Variants in MAST1 observed in about 807,000 individuals in gnomAD.
The protein encoded by MAST1 is microtubule-associated serine/threonine-protein kinase 1.
A neutral mutation model predicts 124.6 loss-of-function variants in MAST1; 40 were observed. The observed-to-expected ratio is 0.32, with a 90% confidence interval of 0.25 to 0.42. The LOEUF (loss-of-function observed/expected upper bound fraction) is 0.42. Among genes scored for constraint, MAST1 ranks in the 10% least tolerant of loss-of-function variants. The pLI, the probability that MAST1 is intolerant of heterozygous loss-of-function variation, is 1.00. For missense variants in MAST1, 1,558 were observed against 2,181.9 expected, an observed-to-expected ratio of 0.71 and a Z score of 5.70; for synonymous variants, 938 against 939.4, an observed-to-expected ratio of 1.00 and a Z score of 0.03.
chr19:12,851,868 C>T, intron 7 of MAST1, 66 bp from the exon 8 acceptor site: 4 of 1,235,348 alleles, frequency 3.2e-6, no homozygotes, highest in Non-Finnish European at 4.6e-6. Context: ...CTCTGAGGGG[C>T]TGAGAGAGGG....
At position 12,874,441 on chromosome 19, in the gene MAST1, G is replaced by T. The variant is rs1970286898; in HGVS notation, c.4284G>T (p.Glu1428Asp). 1 of 1,597,310 alleles carries T rather than the reference G, an allele frequency of 6.3e-7. No homozygotes were observed. The highest frequency in any genetic ancestry group is 8.5e-7 in the Non-Finnish European group (1 of 1,178,512). The change falls in exon 26 of 26, where the codon GAG becomes GAT. Residue 1428 changes from glutamate (E) to aspartate (D), a missense_variant. By Grantham distance (45) the Glu-to-Asp change is conservative. Coordinates refer to ENST00000251472, the MANE Select transcript of MAST1 (RefSeq NM_014975.3). The surrounding 1 kb of genome is among the most constrained non-coding windows in gnomAD (Gnocchi z 6.6). ...CAGGCCGGCGCAGCAGCTCTGGCGA[G>T]GCGGGCACACCCCTGGTACCCATTG... ...HETGRRSSSG[E>D]AGTPLVPIVV...
chr19:12,866,610 A>C lies in MAST1; in HGVS notation c.2030-43A>C. ...GCTCCTGTGGGGATGTGATATGAGG[A>C]GGAACCCCGTACCCTCAGTCACAGC... is the stretch of plus-strand genomic sequence containing the variant. On this transcript the variant is annotated intron_variant, in intron 17 of 25. Coordinates refer to ENST00000251472, the MANE Select transcript of MAST1 (RefSeq NM_014975.3). This position sits in a 1 kb window ranked among gnomAD's most constrained non-coding sequence, Gnocchi z 5.2. The C allele has an allele frequency of 7.4e-7, 1 of 1,345,722 alleles. No homozygotes were observed. The highest frequency in any genetic ancestry group is 2.4e-5 in the East Asian group (1 of 41,864). The allele number at this position is 1,345,722 out of a possible 1,614,324, so 83.4% of individuals were successfully genotyped here.
chr19:12,867,782 C>A lies in MAST1; in HGVS notation c.2371C>A (p.Pro791Thr), dbSNP rs767676816. 2.6e-6 allele frequency: 4 copies of A among 1,562,328 alleles called. No homozygotes were observed. The highest frequency in any genetic ancestry group is 1.7e-4 in the Middle Eastern group (1 of 5,972). ...TTTCCTGGAGGGAGAGGCCAGTCCC[C>A]CTTTGGGCGCCCGCCGCCGTTTCTC... ...ASFLEGEASP[P>T]LGARRRFSAL... is the part of the protein sequence containing the mutation. Residue 791 changes from proline to threonine, a missense_variant, in exon 20 of 26, where the codon CCT (proline) becomes ACT (threonine). By Grantham distance (38) the Pro-to-Thr change is conservative. Coordinates refer to ENST00000251472, the MANE Select transcript of MAST1 (RefSeq NM_014975.3).
intron 4 of MAST1, among the ~76,000 whole-genome samples, chr19:12,844,550 G>T (rs1235804589): frequency 6.6e-6 from 1 of 152,170 alleles, no homozygotes; most frequent in Admixed American, 6.6e-5. Context: ...TTGGGGGGTT[G>T]TCAAGGAAGG....
intron 2 of MAST1, 139 bp downstream of exon 2, chr19:12,840,673 G>C (rs1969814351): frequency 2.9e-6 from 2 of 684,544 alleles, no homozygotes; most frequent in Non-Finnish European, 5.3e-6. Context: ...GCGGGGCCAT[G>C]CTTGTGTGGG....
intron 19 of MAST1, 36 bp downstream of exon 19, chr19:12,867,688 CG>C: frequency 6.5e-7 from 1 of 1,538,082 alleles, no homozygotes. Flanking sequence ...GGGGCGGGGT[CG>C]AAGGGGGCGT....
At chr19:12,854,127 T>TTC (rs1969994401) in intron 10 of MAST1, among the ~76,000 whole-genome samples, 1 of 148,408 alleles carries the variant, frequency 6.7e-6, no homozygotes, top group African/African-American at 2.5e-5. Flanking sequence ...ATATTTCTTT[T>TTC]TTTTTTTTTT....
Position 12,860,323 on chromosome 19 carries a change from G to A in MAST1, c.1366+1584G>A, listed in dbSNP as rs144374398. 8.2e-3 allele frequency among the ~76,000 whole-genome samples: 1,250 copies of A among 151,708 alleles called. 19 individuals are homozygous for A. The highest frequency in any genetic ancestry group is 0.029 in the African/African-American group (1,183 of 41,346). On this transcript the variant is annotated intron_variant, in intron 12 of 25. Transcript: ENST00000251472. ...AGTAGAGACGGGGTTTCACCGTGTTGGCCAGGATGGTCTCGATCTCTTGAC... is the reference window on the plus strand; with the variant it reads ...AGTAGAGACGGGGTTTCACCGTGTTAGCCAGGATGGTCTCGATCTCTTGAC...
chr19:12,853,144 A>G (rs146380854), intron 10 of MAST1, among the ~76,000 whole-genome samples: 4,413 of 150,988 alleles, frequency 0.029, 65 homozygotes, highest in Admixed American at 0.041. Flanking sequence ...CTAATTTTGT[A>G]TTTTTAGTAG....
rs1969789503 is a variant in MAST1 at position 12,838,681 on chromosome 19, G to C, written c.83+26G>C. The C allele has an allele frequency of 6.2e-7, 1 of 1,600,618 alleles. No individual in the cohort carries two copies. The highest frequency in any genetic ancestry group is 1.1e-5 in the South Asian group (1 of 90,094). On this transcript the variant is annotated intron_variant, in intron 1 of 25. Coordinates refer to ENST00000251472, the MANE Select transcript of MAST1 (RefSeq NM_014975.3). This position sits in a 1 kb window ranked among gnomAD's most constrained non-coding sequence, Gnocchi z 4.3. ...GTAGACCCCCGATCCCCTAGACATT[G>C]TCCCGGCCCTCCCCGCAAAAGCCGC...
Position 12,866,252 on chromosome 19 carries a change from A to AG in MAST1, c.2029+151dup, listed in dbSNP as rs1160987213. On this transcript the variant is annotated intron_variant, in intron 17 of 25. Coordinates refer to ENST00000251472, the MANE Select transcript of MAST1 (RefSeq NM_014975.3). The surrounding 1 kb of genome is among the most constrained non-coding windows in gnomAD (Gnocchi z 5.2). ...TGGTATTTTGGTGGGGGCGGGGCCA[A>AG]GTGGGGCGGGGCTGACATACAGGCG... 1.4e-5 allele frequency: 3 copies of AG among 216,928 alleles called. No individual in the cohort carries two copies. Among genetic ancestry groups the AG allele is most frequent in the South Asian group, 4.3e-5 (1 of 23,098 alleles). 13.4% of individuals were successfully genotyped at this position (216,928 alleles called of 1,614,324 possible). A position where few individuals can be genotyped will look rare whatever the true frequency, so the allele number is the denominator to read the frequency against.
At position 12,874,243 on chromosome 19, in the gene MAST1, C is replaced by A. The variant is rs1298469901; in HGVS notation, c.4086C>A (p.Ser1362=). The part of the protein sequence containing the change: ...RPPVSSKEKE[S]PGGAEACTPP... ...CAGTGTCGAGCAAGGAGAAGGAATC[C>A]CCGGGGGGCGCCGAGGCGTGCACCC... Residue 1362 remains serine (S), a synonymous_variant, in exon 26 of 26, where the codon TCC becomes TCA. Transcript: ENST00000251472. This position sits in a 1 kb window ranked among gnomAD's most constrained non-coding sequence, Gnocchi z 6.6. The A allele has an allele frequency of 1.3e-6, 2 of 1,558,814 alleles. No homozygotes were observed. Among genetic ancestry groups the A allele is most frequent in the Non-Finnish European group, 1.7e-6 (2 of 1,155,904 alleles).
intron 3 of MAST1, among the ~76,000 whole-genome samples, chr19:12,842,536 A>C (rs961373994): frequency 2.0e-5 from 3 of 151,766 alleles, no homozygotes; most frequent in African/African-American, 7.3e-5. Context: ...CAGGTGATCC[A>C]CCCGCCTCGG....
In MAST1 at chr19:12,843,663, A is replaced by G; in HGVS notation, c.327+56A>G. ...TGGGTAAGGAATTCAGGGGCCCTCCAGCCTGAAGACCCACACCCAGGCCAG... is the reference window on the plus strand; with the variant it reads ...TGGGTAAGGAATTCAGGGGCCCTCCGGCCTGAAGACCCACACCCAGGCCAG... On this transcript the variant is annotated intron_variant, in intron 4 of 25. Coordinates refer to ENST00000251472, the MANE Select transcript of MAST1 (RefSeq NM_014975.3). This position sits in a 1 kb window ranked among gnomAD's most constrained non-coding sequence, Gnocchi z 4.9. 1.3e-6 allele frequency: 2 copies of G among 1,512,874 alleles called. No homozygotes were observed. The highest frequency in any genetic ancestry group is 1.8e-6 in the Non-Finnish European group (2 of 1,096,500). 93.7% of individuals were successfully genotyped at this position (1,512,874 alleles called of 1,614,324 possible).
At chr19:12,846,775 G>T (rs1162302587) in intron 4 of MAST1, among the ~76,000 whole-genome samples, 1 of 150,734 alleles carries the variant, frequency 6.6e-6, no homozygotes, top group African/African-American at 2.4e-5. Flanking sequence ...CTACTTAGGA[G>T]GCTGAGTCAG....
intron 2 of MAST1, 35 bp from the exon 3 acceptor site, chr19:12,840,956 G>T: frequency 1.2e-6 from 1 of 844,768 alleles, no homozygotes; most frequent in Non-Finnish European, 2.1e-6. Flanking sequence ...GGGAACGAGA[G>T]ACCTGACAGG....
In MAST1 at chr19:12,847,707, G is replaced by A. The variant is rs1215238586; in HGVS notation, c.564+20G>A. The A allele has an allele frequency of 2.5e-6, 4 of 1,611,672 alleles. No homozygotes were observed. The African/African-American group carries it at 4.0e-5, about 16-fold the overall frequency. The stretch of plus-strand genomic sequence containing the variant: ...CCGAAGGTGAGGTGGGACCCGAGGC[G>A]GTCACGGGGTGACCAGGCGGCCTGC... On this transcript the variant is annotated intron_variant, in intron 6 of 25. Coordinates refer to ENST00000251472, the MANE Select transcript of MAST1 (RefSeq NM_014975.3). This position sits in a 1 kb window ranked among gnomAD's most constrained non-coding sequence, Gnocchi z 5.5.
Position 12,873,613 on chromosome 19 carries a change from C to G in MAST1, c.3456C>G (p.Ala1152=). 1 of 1,584,570 alleles carries G rather than the reference C, an allele frequency of 6.3e-7. No homozygotes were observed. ...TTCACCTCCTGTCTCCCGCAGGCGC[C>G]TCATCCCAGAGCAGCTCCCCAGCCT... ...RSTPDSAYLG[A]SSQSSSPASS... is the part of the protein sequence containing the mutation. Residue 1152 remains alanine (A), a synonymous_variant, in exon 26 of 26, where the codon GCC becomes GCG. Coordinates refer to ENST00000251472, the MANE Select transcript of MAST1 (RefSeq NM_014975.3).
chr19:12,842,616 G>A (rs952984048), intron 3 of MAST1, among the ~76,000 whole-genome samples: 7 of 152,142 alleles, frequency 4.6e-5, no homozygotes, highest in African/African-American at 7.2e-5. Context: ...ACAGCCACAC[G>A]CTTACACATG....
Sources: allele counts gnomAD v4.1 joint callset (sites outside exome capture counted in the v4.1 genomes callset), GRCh38; gene constraint gnomAD v4.1.1; non-coding constraint Gnocchi (gnomAD v3.1); transcripts MANE v1.5; gene names NCBI Gene and HGNC (gene_info 2026-07-23, HGNC 2026-07-21).